Variants in MAP1B observed in about 807,000 individuals in gnomAD.
MAP1B encodes microtubule-associated protein 1B.
MAP1B carries 12 observed loss-of-function variants against 176.1 expected under a neutral mutation model. The observed-to-expected ratio is 0.07, with a 90% CI of 0.04 to 0.11. The LOEUF (loss-of-function observed/expected upper bound fraction) is 0.11. Among genes scored for constraint, MAP1B ranks in the 10% least tolerant of loss-of-function variants. The probability of loss-of-function intolerance (pLI) is 1.00; values close to 1 mark genes in which losing one functional copy is unlikely to be tolerated. For missense variants in MAP1B, 2,523 were observed against 2,990.5 expected, an observed-to-expected ratio of 0.84 and a Z score of 3.65; for synonymous variants, 1,044 against 1,135.0, an observed-to-expected ratio of 0.92 and a Z score of 1.61.
intron 2 of MAP1B, among the ~76,000 whole-genome samples, chr5:72,120,304 C>G (rs1745504210): frequency 1.3e-5 from 2 of 152,184 alleles, no homozygotes; most frequent in Non-Finnish European, 2.9e-5. Context: ...TGGAGTCAAA[C>G]TGCCTTGTTT....
intron 2 of MAP1B, among the ~76,000 whole-genome samples, chr5:72,177,103 G>A (rs756046711): frequency 6.6e-6 from 1 of 152,158 alleles, no homozygotes; most frequent in Non-Finnish European, 1.5e-5. Context: ...CAGCACCTCT[G>A]TGGCAGGGGT....
In MAP1B at chr5:72,142,452, C is replaced by T. The variant is rs1043199444; in HGVS notation, c.286+26653C>T. Among the ~76,000 whole-genome samples the T allele has an allele frequency of 3.9e-5, 6 of 152,180 alleles. 1 individual carries two copies. Among genetic ancestry groups the T allele is most frequent in the Admixed American group, 3.9e-4 (6 of 15,286 alleles). On this transcript the variant is annotated intron_variant, in intron 2 of 6. Transcript: ENST00000296755. ...TGAAGACCTGAAACCTCCTTGATCA[C>T]CAGGAAAGAGATGGGGAAACTGTAC... is the stretch of plus-strand genomic sequence containing the variant.
intron 2 of MAP1B, among the ~76,000 whole-genome samples, chr5:72,125,387 T>C (rs1218794747): frequency 1.3e-5 from 2 of 152,244 alleles, no homozygotes; most frequent in Non-Finnish European, 2.9e-5. Context: ...TCATCTATTA[T>C]AAAGGAGACA....
intron 2 of MAP1B, among the ~76,000 whole-genome samples, chr5:72,141,343 G>A (rs917775458): frequency 2.6e-5 from 4 of 152,212 alleles, no homozygotes; most frequent in African/African-American, 7.2e-5. Flanking sequence ...GAGCTTAATA[G>A]TAGCTACAAG....
At chr5:72,108,417 T>C (rs1004141365) in intron 1 of MAP1B, among the ~76,000 whole-genome samples, 6 of 152,086 alleles carry the variant, frequency 3.9e-5, no homozygotes, top group African/African-American at 1.4e-4. Flanking sequence ...GGACCCCAAG[T>C]TGCGGGGTGG....
At chr5:72,110,928 C>G (rs551509961) in intron 1 of MAP1B, among the ~76,000 whole-genome samples, 1 of 152,194 alleles carries the variant, frequency 6.6e-6, no homozygotes, top group African/African-American at 2.4e-5. Context: ...GAGAGATGGT[C>G]CCTCTTGCTT....
chr5:72,173,250 C>T (rs1429513727), intron 2 of MAP1B, among the ~76,000 whole-genome samples: 1 of 152,106 alleles, frequency 6.6e-6, no homozygotes, highest in Non-Finnish European at 1.5e-5. Context: ...TGTATCAGAC[C>T]CTCCTTATGA....
At position 72,195,735 on chromosome 5, in the gene MAP1B, G is replaced by C. The variant is rs199792777; in HGVS notation, c.2380G>C (p.Ala794Pro). Residue 794 changes from alanine to proline, a missense_variant, in exon 5 of 7, where the codon GCT becomes CCT. Transcript: ENST00000296755. ...TAAGAAGGAAGGCAAGGCCGCAGAG[G>C]CTGTCGCTGCAGCTGTCGGCACTGG... is the stretch of plus-strand genomic sequence containing the variant. ...VIKKEGKAAE[A>P]VAAAVGTGAT... 140 of 1,614,126 alleles carry C rather than the reference G, an allele frequency of 8.7e-5. 1 individual carries two copies. The highest frequency in any genetic ancestry group is 4.9e-4 in the Middle Eastern group (3 of 6,084).
intron 2 of MAP1B, among the ~76,000 whole-genome samples, chr5:72,170,553 G>A (rs191819690): frequency 3.9e-5 from 6 of 152,164 alleles, no homozygotes; most frequent in Admixed American, 3.3e-4. Context: ...TCTGCCCACC[G>A]AGAGGAGCTG....
chr5:72,135,699 G>A (rs973819643), intron 2 of MAP1B, among the ~76,000 whole-genome samples: 16 of 151,634 alleles, frequency 1.1e-4, no homozygotes, highest in African/African-American at 3.9e-4. Flanking sequence ...CTGGAACAGA[G>A]TCATCCTGTG....
chr5:72,186,799 G>T lies in MAP1B; in HGVS notation c.510+45G>T. 1.9e-6 allele frequency: 3 copies of T among 1,608,990 alleles called. No individual in the cohort carries two copies. The highest frequency in any genetic ancestry group is 2.5e-6 in the Non-Finnish European group (3 of 1,178,270). On this transcript the variant is annotated intron_variant, in intron 4 of 6. Coordinates refer to ENST00000296755, the MANE Select transcript of MAP1B (RefSeq NM_005909.5). The surrounding 1 kb of genome is among the most constrained non-coding windows in gnomAD (Gnocchi z 4.3). ...TATCTGTGCTTCTAGTGGCTTGGTT[G>T]CCTTAGGTTCCTCTTTGAGAGCACT... is the stretch of plus-strand genomic sequence containing the variant.
At chr5:72,153,293 G>A (rs1000122436) in intron 2 of MAP1B, among the ~76,000 whole-genome samples, 1 of 152,038 alleles carries the variant, frequency 6.6e-6, no homozygotes, top group Admixed American at 6.6e-5. Context: ...GGGAGGGAGG[G>A]TGGACATGTC....
In MAP1B at chr5:72,145,050, G is replaced by C. The variant is rs958573071; in HGVS notation, c.286+29251G>C. On this transcript the variant is annotated intron_variant, in intron 2 of 6. Coordinates refer to ENST00000296755, the MANE Select transcript of MAP1B (RefSeq NM_005909.5). The stretch of plus-strand genomic sequence containing the variant: ...TTTGGTGAAAATCACGCTCTGTCCA[G>C]CTGTGGGGAGCACTGTCTGGGACAA... Among the ~76,000 whole-genome samples the C allele has an allele frequency of 3.7e-4, 57 of 152,292 alleles. 1 individual carries two copies. Among genetic ancestry groups the C allele is most frequent in the Non-Finnish European group, 6.0e-4 (41 of 68,022 alleles).
intron 2 of MAP1B, among the ~76,000 whole-genome samples, chr5:72,128,710 G>T (rs745978783): frequency 2.6e-5 from 4 of 152,208 alleles, no homozygotes; most frequent in African/African-American, 4.8e-5. Context: ...GCACCGTCAT[G>T]GTTCACTGCA....
Position 72,195,266 on chromosome 5 carries a change from G to A in MAP1B, c.1911G>A (p.Thr637=), listed in dbSNP as rs140902387. The change falls in exon 5 of 7, where the codon ACG becomes ACA. Residue 637 remains threonine, a synonymous_variant. Transcript: ENST00000296755. The part of the protein sequence containing the change: ...DVKPKAAKEK[T]VKKETKVKPE... ...AACCCAAAGCTGCCAAGGAGAAGAC[G>A]GTGAAAAAGGAAACAAAGGTAAAGC... 5.1e-5 allele frequency: 82 copies of A among 1,613,360 alleles called. No individual in the cohort carries two copies. The African/African-American group carries it at 5.6e-4, about 11-fold the overall frequency.
At chr5:72,115,086 G>C (rs1443541217) in intron 1 of MAP1B, among the ~76,000 whole-genome samples, 1 of 152,214 alleles carries the variant, frequency 6.6e-6, no homozygotes, top group South Asian at 2.1e-4. Flanking sequence ...GCCAAGTCTT[G>C]AAGATTGAGT....
rs201124670 is a variant in MAP1B, at chr5:72,200,097, C to T, written c.6742C>T (p.Pro2248Ser). The T allele has an allele frequency of 1.8e-4, 292 of 1,614,074 alleles. No individual in the cohort carries two copies. The highest frequency in any genetic ancestry group is 2.2e-4 in the Non-Finnish European group (265 of 1,180,040). Residue 2248 changes from proline to serine, a missense_variant, in exon 5 of 7, where the codon CCA (proline) becomes TCA (serine). By Grantham distance (74) the Pro-to-Ser change is moderately conservative. Around this residue, in one of 4 missense-constraint regions of MAP1B, gnomAD observed 287 missense variants for 401.5 expected, o/e 0.71. Coordinates refer to ENST00000296755, the MANE Select transcript of MAP1B (RefSeq NM_005909.5). ...GAAAGAGAAGACCAAAACCAAAAAG[C>T]CAGGTACAAAGACCAAGTCATCTTC... ...DLKEKTKTKK[P>S]GTKTKSSSPV...
In MAP1B at chr5:72,199,152, C is replaced by T. The variant is rs1187894420; in HGVS notation, c.5797C>T (p.Pro1933Ser). The T allele has an allele frequency of 3.7e-6, 6 of 1,613,906 alleles. No individual in the cohort carries two copies. In the African/African-American group the frequency reaches 8.0e-5, roughly 22 times the overall value. Residue 1933 changes from proline (P) to serine (S), a missense_variant, in exon 5 of 7, where the codon CCT becomes TCT. Pro to Ser is a moderately conservative substitution (Grantham distance 74). Transcript: ENST00000296755. The surrounding 1 kb of genome is among the most constrained non-coding windows in gnomAD (Gnocchi z 4.2). ...YETIGKTTKTPEDGDYSYEII... is the reference protein window; with the variant it reads ...YETIGKTTKTSEDGDYSYEII... ...GACCATTGGGAAAACTACCAAGACC[C>T]CTGAAGATGGTGACTATTCCTATGA...
intron 2 of MAP1B, among the ~76,000 whole-genome samples, chr5:72,132,524 C>T (rs1272751472): frequency 6.6e-6 from 1 of 152,214 alleles, no homozygotes; most frequent in Admixed American, 6.5e-5. Flanking sequence ...TTGTCCTGTA[C>T]ATCACTGGGT....
Sources: allele counts gnomAD v4.1 joint callset (sites outside exome capture counted in the v4.1 genomes callset), GRCh38; gene constraint gnomAD v4.1.1; regional missense constraint gnomAD v4.1.1; non-coding constraint Gnocchi (gnomAD v3.1); transcripts MANE v1.5; gene names NCBI Gene and HGNC (gene_info 2026-07-23, HGNC 2026-07-21).